Variants in DNAH6 observed in about 807,000 individuals in gnomAD.
DNAH6 encodes axonemal beta dynein heavy chain 6.
Under a neutral mutation model 491.4 loss-of-function variants are expected in DNAH6, and 340 were observed. That is an observed-to-expected ratio of 0.69 (90% CI 0.63 to 0.76). DNAH6 has a LOEUF of 0.76. DNAH6 is among the 30% of genes least tolerant of loss of function. The pLI, the probability that DNAH6 is intolerant of heterozygous loss-of-function variation, is 0.00. For synonymous variants in DNAH6, 1,603 were observed against 1,686.1 expected, an observed-to-expected ratio of 0.95 and a Z score of 1.21; for missense variants, 4,443 against 4,972.2, an observed-to-expected ratio of 0.89 and a Z score of 3.20.
chr2:84,733,349 C>A (rs1699269689), intron 61 of DNAH6, 95 bp from the exon 62 acceptor site: 2 of 1,044,450 alleles, frequency 1.9e-6, no homozygotes, highest in Non-Finnish European at 2.8e-6. Flanking sequence ...GTTATTTTAA[C>A]ATACTATTAG....
At chr2:84,528,530 G>C (rs1676821299) in intron 3 of DNAH6, among the ~76,000 whole-genome samples, 1 of 152,124 alleles carries the variant, frequency 6.6e-6, no homozygotes, top group South Asian at 2.1e-4. Flanking sequence ...AACAGAGGGG[G>C]AGGTTGGGAG....
rs1684348599 is a variant in DNAH6, at chr2:84,594,057, G to C, written c.2696G>C (p.Trp899Ser). The change falls in exon 17 of 77, where the codon TGG becomes TCG. Residue 899 changes from tryptophan to serine, a missense_variant. Trp to Ser is a radical substitution (Grantham distance 177, BLOSUM62 -3). Transcript: ENST00000389394. ...KQLLWDSFSE[W>S]DKLQQEWLKS... ...TTGCTCTGGGATTCTTTCTCTGAAT[G>C]GGATAAACTCCAACAAGAATGGTTA... 6.5e-7 allele frequency: 1 copy of C among 1,549,314 alleles called. No individual in the cohort carries two copies. The highest frequency in any genetic ancestry group is 8.7e-7 in the Non-Finnish European group (1 of 1,145,268).
chr2:84,699,322 A>AC (rs1269106700), intron 47 of DNAH6, among the ~76,000 whole-genome samples: 6 of 152,170 alleles, frequency 3.9e-5, no homozygotes, highest in African/African-American at 1.4e-4. Context: ...ATGGCCCTTT[A>AC]TTCAAAGGAT....
chr2:84,819,172 G>T, intron 76 of DNAH6, 133 bp from the exon 77 acceptor site: 1 of 582,518 alleles, frequency 1.7e-6, no homozygotes, highest in South Asian at 2.2e-5. Flanking sequence ...ACCCATAAAG[G>T]ACTATTTGTC....
intron 36 of DNAH6, 94 bp from the exon 37 acceptor site, chr2:84,658,932 T>G (rs1454657894): frequency 1.3e-6 from 1 of 792,684 alleles, no homozygotes; most frequent in Non-Finnish European, 1.9e-6. Flanking sequence ...TGTGTGAGTC[T>G]AAATGAAAGA....
intron 56 of DNAH6, among the ~76,000 whole-genome samples, 174 bp downstream of exon 56, chr2:84,710,586 G>T (rs1696943843): frequency 6.6e-6 from 1 of 152,178 alleles, no homozygotes; most frequent in Admixed American, 6.5e-5. Flanking sequence ...CAAGAGGGGT[G>T]GGAGGGAGGA....
intron 32 of DNAH6, among the ~76,000 whole-genome samples, chr2:84,640,964 T>G (rs1183274320): frequency 5.3e-5 from 8 of 152,244 alleles, no homozygotes; most frequent in African/African-American, 1.9e-4. Context: ...CAGTCATACT[T>G]GTTGCCTGAG....
rs1450016876 is a variant in DNAH6 at position 84,706,993 on chromosome 2, A to G, written c.8825A>G (p.Lys2942Arg). ...QIQALQDEYD[K>R]GVNEKESLAK... ...CAGGCCTTACAAGATGAATATGACA[A>G]AGGTGTAAATGAAAAAGAAAGCCTG... is the stretch of plus-strand genomic sequence containing the variant. Residue 2942 changes from lysine (K) to arginine (R), a missense_variant, in exon 53 of 77, where the codon AAA becomes AGA. Physicochemically the swap from Lys to Arg is conservative, Grantham distance 26 (BLOSUM62 2). This residue lies in a region of DNAH6 where 1,463 missense variants were observed against 1,656.6 expected (regional missense o/e 0.88). Coordinates refer to ENST00000389394, the MANE Select transcript of DNAH6 (RefSeq NM_001370.2). 17 of 1,526,220 alleles carry G rather than the reference A, an allele frequency of 1.1e-5. No homozygotes were observed. Among genetic ancestry groups the G allele is most frequent in the Admixed American group, 2.3e-5 (1 of 42,642 alleles). The allele number at this position is 1,526,220 out of a possible 1,614,324, so 94.5% of individuals were successfully genotyped here.
At position 84,588,849 on chromosome 2, in the gene DNAH6, T is replaced by C; in HGVS notation, c.2505T>C (p.Ser835=). Reference sequence around the variant, plus strand: ...AGGATCCACAGATTTTAGATATCTCTGCTGACCAAGACAAAATAAGGCTCA... The same window carrying C: ...AGGATCCACAGATTTTAGATATCTCCGCTGACCAAGACAAAATAAGGCTCA... The part of the protein sequence containing the change: ...QAQDPQILDI[S]ADQDKIRLIL... The change falls in exon 16 of 77, where the codon TCT becomes TCC. Residue 835 remains serine, a synonymous_variant. Transcript: ENST00000389394. 6.5e-7 allele frequency: 1 copy of C among 1,549,458 alleles called. No individual in the cohort carries two copies.
chr2:84,710,159 T>A (rs1696892782), intron 55 of DNAH6, 128 bp from the exon 56 acceptor site: 5 of 1,219,742 alleles, frequency 4.1e-6, no homozygotes, highest in Non-Finnish European at 5.6e-6. Flanking sequence ...GACAGGGGAG[T>A]ACAGTTTATA....
At chr2:84,622,869 C>G (rs967445099) in intron 26 of DNAH6, among the ~76,000 whole-genome samples, 3 of 152,068 alleles carry the variant, frequency 2.0e-5, no homozygotes, top group African/African-American at 7.2e-5. Context: ...TAACAGTCAC[C>G]CTAACAGTTA....
At chr2:84,663,555 T>C (rs1364087370) in intron 37 of DNAH6, among the ~76,000 whole-genome samples, 1 of 151,194 alleles carries the variant, frequency 6.6e-6, no homozygotes, top group African/African-American at 2.4e-5. Context: ...GAAAAAAGAG[T>C]AAAAAGAAAT....
intron 11 of DNAH6, among the ~76,000 whole-genome samples, chr2:84,569,064 A>G (rs1681513771): frequency 6.6e-6 from 1 of 152,230 alleles, no homozygotes; most frequent in African/African-American, 2.4e-5. Context: ...ATACGTAAGT[A>G]CATATGCACT....
intron 59 of DNAH6, among the ~76,000 whole-genome samples, chr2:84,721,466 C>T (rs1698148372): frequency 6.6e-6 from 1 of 152,192 alleles, no homozygotes; most frequent in African/African-American, 2.4e-5. Context: ...TAGACTTATA[C>T]TCTTTATTAT....
At chr2:84,668,013 T>G (rs1193472842) in intron 37 of DNAH6, among the ~76,000 whole-genome samples, 1 of 152,064 alleles carries the variant, frequency 6.6e-6, no homozygotes, top group Non-Finnish European at 1.5e-5. Context: ...ACCACATTGT[T>G]CTCATTCATA....
intron 62 of DNAH6, among the ~76,000 whole-genome samples, chr2:84,742,363 T>C (rs1573667719): frequency 6.6e-6 from 1 of 152,202 alleles, no homozygotes; most frequent in African/African-American, 2.4e-5. Flanking sequence ...AAATTTTAAT[T>C]TGATTATATT....
intron 70 of DNAH6, among the ~76,000 whole-genome samples, chr2:84,799,997 C>G (rs1458979077): frequency 6.6e-6 from 1 of 152,164 alleles, no homozygotes; most frequent in Admixed American, 6.5e-5. Context: ...GCCTCCACCC[C>G]CACTGAGGGC....
At chr2:84,725,081 G>T (rs1281862914) in intron 60 of DNAH6, among the ~76,000 whole-genome samples, 2 of 152,180 alleles carry the variant, frequency 1.3e-5, no homozygotes, top group African/African-American at 4.8e-5. Flanking sequence ...AGGCAAAAAT[G>T]AAGCCTCACC....
intron 4 of DNAH6, 98 bp from the exon 5 acceptor site, chr2:84,544,135 C>T: frequency 1.7e-5 from 10 of 602,138 alleles, no homozygotes; most frequent in East Asian, 3.1e-5. Flanking sequence ...ATTTGCTTTC[C>T]AGAAATGTTT....
Sources: allele counts gnomAD v4.1 joint callset (sites outside exome capture counted in the v4.1 genomes callset), GRCh38; gene constraint gnomAD v4.1.1; regional missense constraint gnomAD v4.1.1; transcripts MANE v1.5; gene names NCBI Gene and HGNC (gene_info 2026-07-23, HGNC 2026-07-21).